The following WIPF3 variants were observed in gnomAD, a reference collection of about 807,000 sequenced individuals.
The protein encoded by WIPF3 is WAS/WASL interacting protein family member 3, also known as WAS/WASL-interacting protein family member 3.
Under a neutral mutation model 38.9 loss-of-function variants are expected in WIPF3, and 33 were observed. The ratio of observed to expected loss-of-function variants is 0.85; its 90% CI spans 0.64 to 1.14. The LOEUF (loss-of-function observed/expected upper bound fraction) is 1.14, where lower values mean the gene tolerates loss of function less well. Among genes scored for constraint, WIPF3 ranks in the 50% most tolerant of loss-of-function variants. The pLI is 0.00. For synonymous variants in WIPF3, 324 were observed against 269.3 expected, an observed-to-expected ratio of 1.20 and a Z score of -1.99; for missense variants, 711 against 652.5, an observed-to-expected ratio of 1.09 and a Z score of -0.98.
intron 8 of WIPF3, 23 bp from the exon 9 acceptor site, chr7:29,914,470 A>T: frequency 6.7e-7 from 1 of 1,499,582 alleles, no homozygotes; most frequent in Non-Finnish European, 8.9e-7. Flanking sequence ...TCCACCTGGT[A>T]ATGTTCTGTT....
At chr7:29,848,500 T>C (rs1398065520) in intron 2 of WIPF3, among the ~76,000 whole-genome samples, 1 of 152,208 alleles carries the variant, frequency 6.6e-6, no homozygotes, top group African/African-American at 2.4e-5. Context: ...AGAAGTTCTT[T>C]AGGCCTTGTG....
At chr7:29,885,401 C>T (rs968378677) in intron 5 of WIPF3, among the ~76,000 whole-genome samples, 1 of 152,236 alleles carries the variant, frequency 6.6e-6, no homozygotes, top group African/African-American at 2.4e-5. Flanking sequence ...TCCACATGCA[C>T]ACCCCCAACA....
At chr7:29,864,283 G>T (rs1785349907) in intron 2 of WIPF3, among the ~76,000 whole-genome samples, 1 of 152,122 alleles carries the variant, frequency 6.6e-6, no homozygotes, top group African/African-American at 2.4e-5. Context: ...ATGTGATCAT[G>T]TGATTTTTCT....
chr7:29,820,556 T>A (rs1784520114), intron 1 of WIPF3, among the ~76,000 whole-genome samples: 1 of 152,098 alleles, frequency 6.6e-6, no homozygotes, highest in South Asian at 2.1e-4. Context: ...CTTCTAGCAA[T>A]CCCCTTTATA....
At chr7:29,851,635 G>A (rs935987676) in intron 2 of WIPF3, among the ~76,000 whole-genome samples, 1 of 152,232 alleles carries the variant, frequency 6.6e-6, no homozygotes, top group Admixed American at 6.5e-5. Flanking sequence ...AGGCTCGGTG[G>A]ACTTTATGAC....
At chr7:29,901,802 C>T (rs1195220760) in intron 7 of WIPF3, among the ~76,000 whole-genome samples, 1 of 138,902 alleles carries the variant, frequency 7.2e-6, no homozygotes, top group Non-Finnish European at 1.5e-5. Flanking sequence ...CATGCCACTG[C>T]GCTCCAGAGC....
intron 8 of WIPF3, among the ~76,000 whole-genome samples, chr7:29,912,225 G>A (rs184108968): frequency 2.0e-5 from 3 of 152,142 alleles, no homozygotes. Context: ...ATTACAATGA[G>A]ATACCACCTC....
Position 29,834,798 on chromosome 7 carries a change from C to T in WIPF3, c.74C>T (p.Pro25Leu). The change falls in exon 2 of 9, where the codon CCA becomes CTA. Residue 25 changes from proline (P) to leucine (L), a missense_variant. Coordinates refer to ENST00000242140, the MANE Select transcript of WIPF3 (RefSeq NM_001080529.3). ...CCTCTGGGGGCTCCTCCCCCTCCCC[C>T]ACCATCAGCACCCCCGGTAAGACCT... ...PPPLGAPPPP[P>L]PSAPPVSTDT... 6.5e-7 allele frequency: 1 copy of T among 1,539,402 alleles called. No individual in the cohort carries two copies. Among genetic ancestry groups the T allele is most frequent in the South Asian group, 1.2e-5 (1 of 83,358 alleles).
chr7:29,886,481 C>T (rs1785884709), intron 5 of WIPF3, among the ~76,000 whole-genome samples: 1 of 151,024 alleles, frequency 6.6e-6, no homozygotes, highest in Non-Finnish European at 1.5e-5. Context: ...CTCAACCTTC[C>T]GAGTAGCTGA....
chr7:29,815,256 C>T lies in WIPF3; in HGVS notation c.-58+8578C>T, dbSNP rs556370102. Among the ~76,000 whole-genome samples the T allele has an allele frequency of 1.8e-4, 27 of 152,230 alleles. No individual in the cohort carries two copies. In the South Asian group the frequency reaches 5.6e-3, roughly 32 times the overall value. On this transcript the variant is annotated intron_variant, in intron 1 of 8. Coordinates refer to ENST00000242140, the MANE Select transcript of WIPF3 (RefSeq NM_001080529.3). ...ACAAAAGGAAAAAAAAACAGTAAGA[C>T]AAGACAAGCAAGCAACCATTTTTCC...
chr7:29,822,107 C>A (rs1481006156), intron 1 of WIPF3, among the ~76,000 whole-genome samples: 1 of 136,232 alleles, frequency 7.3e-6, no homozygotes, highest in Non-Finnish European at 1.6e-5. Context: ...CTATTCCTTT[C>A]CTTACTTTTT....
Position 29,884,587 on chromosome 7 carries a change from C to T in WIPF3, c.1093C>T (p.Arg365Ter). 1 of 1,604,790 alleles carries T rather than the reference C, an allele frequency of 6.2e-7. No individual in the cohort carries two copies. Among genetic ancestry groups the T allele is most frequent in the Non-Finnish European group, 8.5e-7 (1 of 1,176,954 alleles). Reference sequence around the variant, plus strand: ...GTTCCTGCAGAAGAAGAGGCATGGCCGACCAGGTAAGGAGCGCTGCCTGGC... The same window carrying T: ...GTTCCTGCAGAAGAAGAGGCATGGCTGACCAGGTAAGGAGCGCTGCCTGGC... ...QPFLQKKRHG[R>*]PGAGGGKLNP... The change falls in exon 5 of 9, where the codon CGA becomes TGA. Residue 365 changes from arginine (R) to a stop codon, truncating the protein, a stop_gained. Coordinates refer to ENST00000242140, the MANE Select transcript of WIPF3 (RefSeq NM_001080529.3). LOFTEE classifies it high-confidence loss of function.
Position 29,834,817 on chromosome 7 carries a change from A to G in WIPF3, c.90+3A>G, listed in dbSNP as rs1002781541. The G allele has an allele frequency of 2.2e-6, 3 of 1,376,240 alleles. No homozygotes were observed. The highest frequency in any genetic ancestry group is 4.8e-5 in the Admixed American group (2 of 41,666). 85.3% of individuals were successfully genotyped at this position (1,376,240 alleles called of 1,614,324 possible). ...CTCCCCCACCATCAGCACCCCCGGT[A>G]AGACCTTTTTTTCTGATTGGTTTAC... is the stretch of plus-strand genomic sequence containing the variant. On this transcript the variant is annotated splice_donor_region_variant and intron_variant, in intron 2 of 8. Coordinates refer to ENST00000242140, the MANE Select transcript of WIPF3 (RefSeq NM_001080529.3).
At chr7:29,904,162 G>C (rs554664573) in intron 7 of WIPF3, 124 bp from the exon 8 acceptor site, 2 of 840,110 alleles carry the variant, frequency 2.4e-6, no homozygotes, top group Middle Eastern at 3.6e-4. Flanking sequence ...GAAACAGACA[G>C]TCTAGGGCCA....
intron 8 of WIPF3, among the ~76,000 whole-genome samples, chr7:29,909,895 CA>C (rs57930525): frequency 1.7e-4 from 17 of 99,454 alleles, no homozygotes; most frequent in African/African-American, 4.4e-4. Flanking sequence ...AACCCTGTCT[CA>C]AAAAAAAAAA....
intron 1 of WIPF3, among the ~76,000 whole-genome samples, chr7:29,822,665 A>G (rs1435806474): frequency 6.6e-6 from 1 of 152,206 alleles, no homozygotes; most frequent in African/African-American, 2.4e-5. Context: ...TACAGCCACA[A>G]ATGTATCGTC....
intron 8 of WIPF3, among the ~76,000 whole-genome samples, chr7:29,913,327 A>G (rs904807242): frequency 6.6e-6 from 1 of 150,700 alleles, no homozygotes; most frequent in Non-Finnish European, 1.5e-5. Flanking sequence ...CCTGGGCAAC[A>G]AGAGTGAAAC....
intron 2 of WIPF3, among the ~76,000 whole-genome samples, chr7:29,840,966 G>A (rs1301169263): frequency 1.3e-5 from 2 of 152,194 alleles, no homozygotes; most frequent in Non-Finnish European, 2.9e-5. Context: ...ATCAGATATC[G>A]AGATGGGGTC....
At chr7:29,842,026 A>G (rs1250591469) in intron 2 of WIPF3, among the ~76,000 whole-genome samples, 3 of 152,210 alleles carry the variant, frequency 2.0e-5, no homozygotes, top group East Asian at 3.8e-4. Context: ...AAGATGAGCA[A>G]AGAAGCCCCT....
Sources: allele counts gnomAD v4.1 joint callset (sites outside exome capture counted in the v4.1 genomes callset), GRCh38; gene constraint gnomAD v4.1.1; transcripts MANE v1.5; gene names NCBI Gene and HGNC (gene_info 2026-07-23, HGNC 2026-07-21).